EPHB1: variants seen among roughly 807,000 people sequenced by gnomAD.
EPHB1 encodes the protein ephrin type-B receptor 1.
In EPHB1, 30 loss-of-function variants were observed where a neutral mutation model predicts 94.4. That is an observed-to-expected ratio of 0.32 (90% CI 0.24 to 0.43). The LOEUF (loss-of-function observed/expected upper bound fraction) is 0.43, where lower values mean the gene tolerates loss of function less well. Ranked by LOEUF, EPHB1 falls within the 20% of genes least tolerant of loss-of-function variation. The pLI, the probability that EPHB1 is intolerant of heterozygous loss-of-function variation, is 1.00. For synonymous variants in EPHB1, 522 were observed against 489.1 expected, an observed-to-expected ratio of 1.07 and a Z score of -0.89; for missense variants, 1,055 against 1,308.3, an observed-to-expected ratio of 0.81 and a Z score of 2.99.
At chr3:135,033,107 C>A (rs1199701321) in intron 3 of EPHB1, among the ~76,000 whole-genome samples, 3 of 152,134 alleles carry the variant, frequency 2.0e-5, no homozygotes, top group African/African-American at 7.2e-5. Context: ...ATGACTAGCA[C>A]TAGGAGCAGT....
At chr3:135,063,487 G>A (rs188384482) in intron 3 of EPHB1, among the ~76,000 whole-genome samples, 11 of 152,168 alleles carry the variant, frequency 7.2e-5, no homozygotes, top group African/African-American at 2.4e-4. Context: ...TTGATTCTCC[G>A]CTTGGTTGCT....
At chr3:134,956,070 A>G (rs1359385425) in intron 3 of EPHB1, among the ~76,000 whole-genome samples, 2 of 152,020 alleles carry the variant, frequency 1.3e-5, no homozygotes, top group Admixed American at 1.3e-4. Context: ...CTTTAGCTGA[A>G]GTTGGACTGC....
At chr3:135,092,926 C>T (rs1418898534) in intron 3 of EPHB1, among the ~76,000 whole-genome samples, 1 of 152,198 alleles carries the variant, frequency 6.6e-6, no homozygotes, top group Non-Finnish European at 1.5e-5. Context: ...CAAACCTGGC[C>T]TGGAGTCCAA....
At chr3:135,060,812 T>C (rs540261717) in intron 3 of EPHB1, among the ~76,000 whole-genome samples, 1 of 152,298 alleles carries the variant, frequency 6.6e-6, no homozygotes, top group Non-Finnish European at 1.5e-5. Flanking sequence ...ACTGTTTTAG[T>C]TATTTTTAAA....
intron 12 of EPHB1, among the ~76,000 whole-genome samples, chr3:135,217,290 G>A (rs983491698): frequency 1.3e-5 from 2 of 152,110 alleles, no homozygotes; most frequent in African/African-American, 4.8e-5. Flanking sequence ...AGACATTGCC[G>A]CTCCACCAGG....
At chr3:135,066,482 T>G (rs1362031842) in intron 3 of EPHB1, among the ~76,000 whole-genome samples, 1 of 152,236 alleles carries the variant, frequency 6.6e-6, no homozygotes, top group Non-Finnish European at 1.5e-5. Context: ...CTTGTTCAGT[T>G]CTACTGCTGA....
At chr3:134,886,213 G>T (rs1434022662) in intron 1 of EPHB1, among the ~76,000 whole-genome samples, 2 of 152,286 alleles carry the variant, frequency 1.3e-5, no homozygotes, top group East Asian at 3.9e-4. Flanking sequence ...CTTGTTACCT[G>T]TGTGGTCCTG....
chr3:134,844,654 G>A lies in EPHB1; in HGVS notation c.58+48965G>A, dbSNP rs565296610. 8.2e-4 allele frequency among the ~76,000 whole-genome samples: 125 copies of A among 152,290 alleles called. 1 individual carries two copies. Among genetic ancestry groups the A allele is most frequent in the African/African-American group, 2.9e-3 (122 of 41,558 alleles). On this transcript the variant is annotated intron_variant, in intron 1 of 15. Transcript: ENST00000398015. ...TTCATATCAGCAGAGCTCAGGGGAG[G>A]GTGAGGAGGAGGGTGCTTTCCTAGG...
chr3:134,853,462 A>T (rs1013628044), intron 1 of EPHB1, among the ~76,000 whole-genome samples: 2 of 152,214 alleles, frequency 1.3e-5, no homozygotes, highest in African/African-American at 4.8e-5. Flanking sequence ...AGGAAGAAGG[A>T]GAGAGAGAGT....
In EPHB1 at chr3:135,249,433, G is replaced by T; in HGVS notation, c.2788G>T (p.Asp930Tyr). Residue 930 changes from aspartate to tyrosine, a missense_variant, in exon 15 of 16, where the codon GAC (aspartate) becomes TAC (tyrosine). By Grantham distance (160) the Asp-to-Tyr change is radical. Transcript: ENST00000398015. ...LSAIKMVQYR[D>Y]SFLTAGFTSL... ...CGCCATCAAAATGGTCCAGTACAGGGACAGCTTCCTCACTGCTGGCTTCAC... is the reference window on the plus strand; with the variant it reads ...CGCCATCAAAATGGTCCAGTACAGGTACAGCTTCCTCACTGCTGGCTTCAC... The T allele has an allele frequency of 6.2e-7, 1 of 1,614,030 alleles. No homozygotes were observed. Among genetic ancestry groups the T allele is most frequent in the Non-Finnish European group, 8.5e-7 (1 of 1,179,904 alleles).
chr3:134,944,991 A>C (rs1260432552), intron 2 of EPHB1, among the ~76,000 whole-genome samples: 1 of 152,092 alleles, frequency 6.6e-6, no homozygotes, highest in Non-Finnish European at 1.5e-5. Context: ...CTAATTAACA[A>C]CTCACACTTT....
At chr3:134,989,587 G>C (rs2107737310) in intron 3 of EPHB1, among the ~76,000 whole-genome samples, 1 of 152,156 alleles carries the variant, frequency 6.6e-6, no homozygotes, top group South Asian at 2.1e-4. Flanking sequence ...CATCACTTTA[G>C]AGCTGTATCT....
intron 4 of EPHB1, among the ~76,000 whole-genome samples, chr3:135,113,642 C>A (rs950992311): frequency 1.3e-5 from 2 of 152,318 alleles, no homozygotes; most frequent in Middle Eastern, 3.4e-3. Flanking sequence ...GGGGGAGAGG[C>A]CTTCTGGACT....
intron 3 of EPHB1, among the ~76,000 whole-genome samples, chr3:135,055,907 G>A (rs959790914): frequency 2.0e-5 from 3 of 152,142 alleles, no homozygotes; most frequent in Admixed American, 6.5e-5. Context: ...TTCCTGTCCT[G>A]TGACCAGAGG....
chr3:134,973,540 T>G (rs1934066657), intron 3 of EPHB1, among the ~76,000 whole-genome samples: 1 of 148,738 alleles, frequency 6.7e-6, no homozygotes, highest in South Asian at 2.2e-4. Flanking sequence ...CAAGCGATTC[T>G]CCTTCCTCAG....
chr3:135,060,987 T>G lies in EPHB1; in HGVS notation c.806-45461T>G, dbSNP rs9847784. 3.9e-3 allele frequency among the ~76,000 whole-genome samples: 586 copies of G among 151,940 alleles called. 5 individuals are homozygous for G. The highest frequency in any genetic ancestry group is 0.013 in the African/African-American group (555 of 41,388). ...TCTGGTAACCATCCTTCTACTCTCTTTGTCCATGAGTTCAATTGTTTTGTT... is the reference window on the plus strand; with the variant it reads ...TCTGGTAACCATCCTTCTACTCTCTGTGTCCATGAGTTCAATTGTTTTGTT... On this transcript the variant is annotated intron_variant, in intron 3 of 15. Transcript: ENST00000398015.
chr3:134,906,722 C>T (rs538765836), intron 1 of EPHB1, among the ~76,000 whole-genome samples: 2 of 152,226 alleles, frequency 1.3e-5, no homozygotes, highest in African/African-American at 4.8e-5. Flanking sequence ...ACCATCATAA[C>T]ACTTATCAGA....
chr3:135,097,174 T>TC (rs1486360769), intron 3 of EPHB1, among the ~76,000 whole-genome samples: 2 of 147,498 alleles, frequency 1.4e-5, no homozygotes, highest in African/African-American at 4.9e-5. Flanking sequence ...CTTTGTTTTT[T>TC]TTTTTTTTTT....
intron 5 of EPHB1, among the ~76,000 whole-genome samples, chr3:135,151,520 A>G (rs1401619137): frequency 6.6e-6 from 1 of 152,104 alleles, no homozygotes; most frequent in African/African-American, 2.4e-5. Context: ...TGTACTTAAT[A>G]TATTTTAACA....
Sources: allele counts gnomAD v4.1 joint callset (sites outside exome capture counted in the v4.1 genomes callset), GRCh38; gene constraint gnomAD v4.1.1; transcripts MANE v1.5; gene names NCBI Gene and HGNC (gene_info 2026-07-23, HGNC 2026-07-21).